SDC3: variants seen among roughly 807,000 people sequenced by gnomAD.
SDC3 encodes syndecan 3.
In SDC3, 13 loss-of-function variants were observed where a neutral mutation model predicts 24.4. The observed-to-expected ratio is 0.53, with a 90% confidence interval of 0.35 to 0.85. The LOEUF is 0.85. SDC3 is among the 40% of genes least tolerant of loss of function. The probability of loss-of-function intolerance (pLI) is 0.01; values close to 1 mark genes in which losing one functional copy is unlikely to be tolerated. For missense variants in SDC3, 571 were observed against 584.5 expected (o/e 0.98, Z 0.24); for synonymous variants, 295 against 260.9 (o/e 1.13, Z -1.26).
intron 1 of SDC3, among the ~76,000 whole-genome samples, chr1:30,886,278 G>A (rs1221172673): frequency 1.3e-5 from 2 of 152,098 alleles, no homozygotes; most frequent in East Asian, 3.9e-4. Flanking sequence ...AGCTCCTACT[G>A]TGTGCCAAGC....
chr1:30,906,218 G>C (rs1444999969), intron 1 of SDC3, among the ~76,000 whole-genome samples: 6 of 152,162 alleles, frequency 3.9e-5, no homozygotes, highest in Non-Finnish European at 8.8e-5. Flanking sequence ...GGACAAGAGG[G>C]ATGATGCCCC....
chr1:30,901,235 G>A (rs969231491), intron 1 of SDC3, among the ~76,000 whole-genome samples: 3 of 152,142 alleles, frequency 2.0e-5, no homozygotes, highest in African/African-American at 7.2e-5. Flanking sequence ...CATTGGCAAG[G>A]CCCCAGGCTG....
intron 1 of SDC3, among the ~76,000 whole-genome samples, chr1:30,890,475 G>A (rs1014388776): frequency 6.6e-6 from 1 of 152,214 alleles, no homozygotes; most frequent in African/African-American, 2.4e-5. Flanking sequence ...ATTAGTGACA[G>A]CCTATGCCTG....
At chr1:30,876,515 CTCCG>C in intron 3 of SDC3, 33 bp downstream of exon 3, 1 of 1,488,240 alleles carries the variant, frequency 6.7e-7, no homozygotes, top group Non-Finnish European at 9.0e-7. Context: ...ACCCACCCTC[CTCCG>C]CCCTCCTCCC....
chr1:30,875,333 G>A (rs551790430), intron 3 of SDC3, among the ~76,000 whole-genome samples: 5 of 152,336 alleles, frequency 3.3e-5, no homozygotes, highest in Non-Finnish European at 5.9e-5. Flanking sequence ...AGCAACCTGG[G>A]CCCTGTGCAC....
chr1:30,893,287 ACCCCACCCACCAGGAGCCCCC>A (rs1479223613), intron 1 of SDC3, among the ~76,000 whole-genome samples: 21 of 19,104 alleles, frequency 1.1e-3, no homozygotes, highest in African/African-American at 4.1e-3. Flanking sequence ...GTCCATACCC[ACCCCACCCACCAGGAGCCCCC>A]CCCCCCCCCA....
At chr1:30,901,751 T>C (rs1638417886) in intron 1 of SDC3, among the ~76,000 whole-genome samples, 1 of 152,018 alleles carries the variant, frequency 6.6e-6, no homozygotes, top group African/African-American at 2.4e-5. Context: ...CCCCAAGCAG[T>C]AGTTCTTCAG....
intron 1 of SDC3, among the ~76,000 whole-genome samples, chr1:30,897,891 C>A (rs1256963207): frequency 6.6e-6 from 1 of 152,210 alleles, no homozygotes; most frequent in Non-Finnish European, 1.5e-5. Context: ...GTGGCAGGCA[C>A]TCAATGGGCA....
intron 1 of SDC3, among the ~76,000 whole-genome samples, chr1:30,892,688 G>T (rs916026152): frequency 6.6e-6 from 1 of 152,192 alleles, no homozygotes; most frequent in Non-Finnish European, 1.5e-5. Context: ...CATTTACCAT[G>T]ACTAGTAGCA....
intron 1 of SDC3, 66 bp from the exon 2 acceptor site, chr1:30,878,806 G>T: frequency 7.5e-7 from 1 of 1,337,750 alleles, no homozygotes; most frequent in Non-Finnish European, 1.1e-6. Flanking sequence ...GAGCCCAGAA[G>T]GGCGACAGGT....
chr1:30,907,100 A>G (rs976524555), intron 1 of SDC3, among the ~76,000 whole-genome samples: 1 of 152,156 alleles, frequency 6.6e-6, no homozygotes. Flanking sequence ...TGAGGCTGGG[A>G]AAGGGAAGGA....
chr1:30,903,949 G>A (rs974146072), intron 1 of SDC3, among the ~76,000 whole-genome samples: 14 of 152,076 alleles, frequency 9.2e-5, no homozygotes, highest in African/African-American at 2.9e-4. Flanking sequence ...TCTGGCTGGG[G>A]GTTGTGGCTC....
chr1:30,869,491 C>G lies in SDC3; in HGVS notation c.*3720G>C, dbSNP rs909226074. 2.7e-6 allele frequency: 1 copy of G among 377,092 alleles called. No individual in the cohort carries two copies. Among genetic ancestry groups the G allele is most frequent in the Non-Finnish European group, 4.6e-6 (1 of 215,530 alleles). 23.4% of individuals were successfully genotyped at this position (377,092 alleles called of 1,614,324 possible). On this transcript the variant is annotated 3_prime_UTR_variant, in exon 5 of 5. Coordinates refer to ENST00000339394, the MANE Select transcript of SDC3 (RefSeq NM_014654.4). ...TCATTTCAGCTTAATTTTATTTCCT[C>G]TTATAAATGGGCACAGCACAGGAAG...
chr1:30,903,920 T>G (rs986946442), intron 1 of SDC3, among the ~76,000 whole-genome samples: 1 of 151,902 alleles, frequency 6.6e-6, no homozygotes, highest in Admixed American at 6.6e-5. Flanking sequence ...CTCAGTTTTC[T>G]CCTCTGTAAA....
Position 30,884,410 on chromosome 1 carries a change from A to G in SDC3, c.139-5670T>C, listed in dbSNP as rs79124971. ...CTACAAAGGCAGCTCAGAGGGCAGGAAATGTTCCCTTTGGGCCTGTCCCAT... is the reference window on the plus strand; with the variant it reads ...CTACAAAGGCAGCTCAGAGGGCAGGGAATGTTCCCTTTGGGCCTGTCCCAT... On this transcript the variant is annotated intron_variant, in intron 1 of 4. Coordinates refer to ENST00000339394, the MANE Select transcript of SDC3 (RefSeq NM_014654.4). Among the ~76,000 whole-genome samples the G allele has an allele frequency of 3.7e-3, 570 of 152,198 alleles. 14 individuals are homozygous for G. The East Asian group carries it at 0.056, about 15-fold the overall frequency.
Position 30,869,728 on chromosome 1 carries a change from G to A in SDC3, c.*3483C>T. Reference sequence around the variant, plus strand: ...GTTAATAAACAGGTTACAGGGGAGAGAAGGGGCAGGGAAGGCCTGGGGGAG... The same window carrying A: ...GTTAATAAACAGGTTACAGGGGAGAAAAGGGGCAGGGAAGGCCTGGGGGAG... On this transcript the variant is annotated 3_prime_UTR_variant, in exon 5 of 5. Coordinates refer to ENST00000339394, the MANE Select transcript of SDC3 (RefSeq NM_014654.4). 2.5e-6 allele frequency: 1 copy of A among 398,676 alleles called. No homozygotes were observed. The highest frequency in any genetic ancestry group is 4.4e-6 in the Non-Finnish European group (1 of 226,180). The allele number at this position is 398,676 out of a possible 1,614,324, so 24.7% of individuals were successfully genotyped here. A position where few individuals can be genotyped will look rare whatever the true frequency, so the allele number is the denominator to read the frequency against.
At chr1:30,888,878 G>T (rs1243507140) in intron 1 of SDC3, among the ~76,000 whole-genome samples, 1 of 152,226 alleles carries the variant, frequency 6.6e-6, no homozygotes. Context: ...CACAGAGCAA[G>T]GCATCAGACA....
At chr1:30,895,726 C>T (rs1272124530) in intron 1 of SDC3, among the ~76,000 whole-genome samples, 3 of 152,144 alleles carry the variant, frequency 2.0e-5, no homozygotes, top group African/African-American at 7.2e-5. Context: ...ACCCCTGTCC[C>T]CAAGGGGAGC....
rs1041394253 is a variant in SDC3, at chr1:30,870,035, G to T, written c.*3176C>A. On this transcript the variant is annotated 3_prime_UTR_variant, in exon 5 of 5. Transcript: ENST00000339394. ...TTCTATTTACAGGCAAGAGGCCTGG[G>T]GAGGCAAGTCCAGGGTTGTAGTTGT... is the stretch of plus-strand genomic sequence containing the variant. The T allele has an allele frequency of 5.0e-6, 2 of 397,618 alleles. No individual in the cohort carries two copies. The highest frequency in any genetic ancestry group is 8.8e-6 in the Non-Finnish European group (2 of 226,084). 24.6% of individuals were successfully genotyped at this position (397,618 alleles called of 1,614,324 possible).
Sources: allele counts gnomAD v4.1 joint callset (sites outside exome capture counted in the v4.1 genomes callset), GRCh38; gene constraint gnomAD v4.1.1; transcripts MANE v1.5; gene names NCBI Gene and HGNC (gene_info 2026-07-23, HGNC 2026-07-21).